The following PRDM16 variants were observed in gnomAD, a reference collection of about 807,000 sequenced individuals.
The protein encoded by PRDM16 is PR/SET domain 16, also known as histone-lysine N-methyltransferase PRDM16.
PRDM16 carries 23 observed loss-of-function variants against 110.6 expected under a neutral mutation model. That is an observed-to-expected ratio of 0.21 (90% CI 0.15 to 0.29). The LOEUF (loss-of-function observed/expected upper bound fraction) is 0.29. PRDM16 is among the 10% of genes least tolerant of loss of function. The pLI, the probability that PRDM16 is intolerant of heterozygous loss-of-function variation, is 1.00. For synonymous variants in PRDM16, 799 were observed against 781.8 expected, an observed-to-expected ratio of 1.02 and a Z score of -0.37; for missense variants, 1,615 against 1,794.3, an observed-to-expected ratio of 0.90 and a Z score of 1.81.
At position 3,390,345 on chromosome 1, in the gene PRDM16, G is replaced by A. The variant is rs935299761; in HGVS notation, c.573+5059G>A. 1.3e-5 allele frequency among the ~76,000 whole-genome samples: 2 copies of A among 152,128 alleles called. No homozygotes were observed. Among genetic ancestry groups the A allele is most frequent in the East Asian group, 3.9e-4 (2 of 5,176 alleles). ...GTCGGGGAGCTGGACTCAGGGGTGC[G>A]GGCCCCCCAGCGTACCACGGAACGG... is the stretch of plus-strand genomic sequence containing the variant. On this transcript the variant is annotated intron_variant, in intron 4 of 16. Transcript: ENST00000270722. The surrounding 1 kb of genome is among the most constrained non-coding windows in gnomAD (Gnocchi z 5.0).
chr1:3,171,544 C>T (rs1403485084), intron 1 of PRDM16, among the ~76,000 whole-genome samples: 1 of 152,142 alleles, frequency 6.6e-6, no homozygotes, highest in African/African-American at 2.4e-5. Flanking sequence ...CTTCCTCTGC[C>T]CTCGGTATCC....
chr1:3,315,118 G>A (rs974089212), intron 3 of PRDM16, among the ~76,000 whole-genome samples: 7 of 141,182 alleles, frequency 5.0e-5, no homozygotes, highest in Non-Finnish European at 9.1e-5. Flanking sequence ...ACTTGCTACC[G>A]CCTCTCTCTC....
intron 3 of PRDM16, among the ~76,000 whole-genome samples, chr1:3,286,304 G>C (rs1387000844): frequency 2.0e-5 from 3 of 152,232 alleles, no homozygotes; most frequent in African/African-American, 7.2e-5. Context: ...CGGACCAAGG[G>C]GGGCCGCAAC....
chr1:3,245,537 C>T lies in PRDM16; in HGVS notation c.438+1400C>T, dbSNP rs368541341. Among the ~76,000 whole-genome samples the T allele has an allele frequency of 8.9e-4, 136 of 152,312 alleles. No individual in the cohort carries two copies. The highest frequency in any genetic ancestry group is 3.1e-3 in the African/African-American group (128 of 41,568). On this transcript the variant is annotated intron_variant, in intron 3 of 16. Coordinates refer to ENST00000270722, the MANE Select transcript of PRDM16 (RefSeq NM_022114.4). This position sits in a 1 kb window ranked among gnomAD's most constrained non-coding sequence, Gnocchi z 4.7. ...GTGAACTGGTTCCCGTGTCCCTCCCCGTCGCTGGTGTGGCTGTGTCTGGCC... is the reference window on the plus strand; with the variant it reads ...GTGAACTGGTTCCCGTGTCCCTCCCTGTCGCTGGTGTGGCTGTGTCTGGCC...
rs911638400 is a variant in PRDM16 at position 3,437,201 on chromosome 1, T to G, written c.*3390T>G. ...AGAGACTGCCCAGCTGGAGAGGCCT[T>G]CCTTTACAAGGCCACGCGTGCAGCT... is the stretch of plus-strand genomic sequence containing the variant. On this transcript the variant is annotated 3_prime_UTR_variant, in exon 17 of 17. Transcript: ENST00000270722. 1 of 232,396 alleles carries G rather than the reference T, an allele frequency of 4.3e-6. No homozygotes were observed. The allele number at this position is 232,396 out of a possible 1,614,324, so 14.4% of individuals were successfully genotyped here.
chr1:3,412,742 C>T lies in PRDM16; in HGVS notation c.2545C>T (p.Gln849Ter). The change falls in exon 9 of 17, where the codon CAG (glutamine) becomes TAG (stop). Residue 849 changes from glutamine to a stop codon, truncating the protein, a stop_gained. Coordinates refer to ENST00000270722, the MANE Select transcript of PRDM16 (RefSeq NM_022114.4). LOFTEE classifies it high-confidence loss of function. The stretch of plus-strand genomic sequence containing the variant: ...CCAGGTGTGCCCGGCGCGGATGCCC[C>T]AGCAGCCCCCGCTCCACTACGCCAA... Reference protein sequence around the residue: ...LPQVCPARMPQQPPLHYAKPS... With the variant: ...LPQVCPARMP 1.3e-6 allele frequency: 2 copies of T among 1,503,942 alleles called. No homozygotes were observed. The allele number at this position is 1,503,942 out of a possible 1,614,324, so 93.2% of individuals were successfully genotyped here.
At chr1:3,235,958 G>A (rs1440602363) in intron 2 of PRDM16, among the ~76,000 whole-genome samples, 1 of 152,204 alleles carries the variant, frequency 6.6e-6, no homozygotes. Flanking sequence ...AGAATTCAAA[G>A]CTGTGGCTGG....
intron 1 of PRDM16, among the ~76,000 whole-genome samples, chr1:3,134,632 A>T (rs1193701555): frequency 1.3e-5 from 2 of 152,274 alleles, no homozygotes; most frequent in African/African-American, 4.8e-5. Flanking sequence ...TCCGGAGTTA[A>T]CCGTGGCGGC....
In PRDM16 at chr1:3,143,928, C is replaced by T. The variant is rs960082568; in HGVS notation, c.38-42197C>T. On this transcript the variant is annotated intron_variant, in intron 1 of 16. Coordinates refer to ENST00000270722, the MANE Select transcript of PRDM16 (RefSeq NM_022114.4). This position sits in a 1 kb window ranked among gnomAD's most constrained non-coding sequence, Gnocchi z 4.5. The stretch of plus-strand genomic sequence containing the variant: ...CTGGGGCATCTTGTCATGTGTTAGT[C>T]GTAGTGAAGGCTCCACAAGCACTTT... Among the ~76,000 whole-genome samples the T allele has an allele frequency of 2.0e-5, 3 of 152,112 alleles. No homozygotes were observed. The highest frequency in any genetic ancestry group is 6.5e-5 in the Admixed American group (1 of 15,270).
chr1:3,163,373 TCAAGTTC>T (rs565291289), intron 1 of PRDM16, among the ~76,000 whole-genome samples: 6 of 152,158 alleles, frequency 3.9e-5, no homozygotes, highest in African/African-American at 1.4e-4. Flanking sequence ...AGCACAACCA[TCAAGTTC>T]CAAGCTCAGA....
intron 1 of PRDM16, among the ~76,000 whole-genome samples, chr1:3,077,112 TC>T (rs1257028309): frequency 7.9e-5 from 12 of 152,202 alleles, no homozygotes; most frequent in African/African-American, 2.9e-4. Context: ...AGTTGGGAAA[TC>T]AGTAGCTTTG....
chr1:3,404,697 G>C lies in PRDM16; in HGVS notation c.885-42G>C, dbSNP rs547083328. On this transcript the variant is annotated intron_variant, in intron 6 of 16. Coordinates refer to ENST00000270722, the MANE Select transcript of PRDM16 (RefSeq NM_022114.4). The stretch of plus-strand genomic sequence containing the variant: ...GTTGGGGTCCCCTCCCGGGCAGAGG[G>C]CAGGTAGTCGGGCCCCGCAGTGAGC... The C allele has an allele frequency of 2.2e-5, 36 of 1,608,870 alleles. No individual in the cohort carries two copies. The African/African-American group carries it at 4.3e-4, about 19-fold the overall frequency.
chr1:3,075,369 A>G (rs6696404), intron 1 of PRDM16, among the ~76,000 whole-genome samples: 3,021 of 152,340 alleles, frequency 0.02, 45 homozygotes, highest in Non-Finnish European at 0.029. Context: ...TTATTTTAAT[A>G]AAAAAATAAA....
intron 1 of PRDM16, among the ~76,000 whole-genome samples, chr1:3,096,684 G>A (rs564595415): frequency 1.1e-4 from 17 of 152,302 alleles, no homozygotes; most frequent in South Asian, 2.1e-4. Context: ...AGACGGCCCC[G>A]TCCCAGGGCT....
rs1027353536 is a variant in PRDM16, at chr1:3,350,123, T to C, written c.439-35029T>C. 1.3e-5 allele frequency among the ~76,000 whole-genome samples: 2 copies of C among 152,102 alleles called. No homozygotes were observed. The highest frequency in any genetic ancestry group is 6.5e-5 in the Admixed American group (1 of 15,276). Reference sequence around the variant, plus strand: ...CAAGGCGGGAGGAAGCCCAGAAGTTTGAGGCCAGCCTGGACAACATAGCAA... The same window carrying C: ...CAAGGCGGGAGGAAGCCCAGAAGTTCGAGGCCAGCCTGGACAACATAGCAA... On this transcript the variant is annotated intron_variant, in intron 3 of 16. Coordinates refer to ENST00000270722, the MANE Select transcript of PRDM16 (RefSeq NM_022114.4). The surrounding 1 kb of genome is among the most constrained non-coding windows in gnomAD (Gnocchi z 7.1).
intron 10 of PRDM16, among the ~76,000 whole-genome samples, chr1:3,415,362 G>T (rs994379286): frequency 6.6e-6 from 1 of 152,276 alleles, no homozygotes; most frequent in African/African-American, 2.4e-5. Context: ...GGTCCTGAGG[G>T]TCGCACAGTG....
chr1:3,248,535 C>T (rs1639847099), intron 3 of PRDM16, among the ~76,000 whole-genome samples: 1 of 152,204 alleles, frequency 6.6e-6, no homozygotes, highest in Non-Finnish European at 1.5e-5. Flanking sequence ...GGAAAAAACG[C>T]ATCCACCCCA....
At chr1:3,136,346 T>C (rs1643438234) in intron 1 of PRDM16, among the ~76,000 whole-genome samples, 1 of 151,324 alleles carries the variant, frequency 6.6e-6, no homozygotes. Context: ...GGACCTCTGG[T>C]GTCGTCCATT....
intron 3 of PRDM16, chr1:3,307,646 C>T (rs4145900): frequency 0.46 from 70,293 of 151,910 alleles, 17,229 homozygotes; most frequent in Non-Finnish European, 0.53. Flanking sequence ...CCTGCTTCCA[C>T]GATATTTGTG....
Sources: allele counts gnomAD v4.1 joint callset (sites outside exome capture counted in the v4.1 genomes callset), GRCh38; gene constraint gnomAD v4.1.1; non-coding constraint Gnocchi (gnomAD v3.1); transcripts MANE v1.5; gene names NCBI Gene and HGNC (gene_info 2026-07-23, HGNC 2026-07-21).